The following BMPR2 variants were observed in gnomAD, a reference collection of about 807,000 sequenced individuals.
BMPR2 encodes the protein bone morphogenetic protein receptor type 2, also known as bone morphogenetic protein receptor type-2.
Under a neutral mutation model 100.8 loss-of-function variants are expected in BMPR2, and 29 were observed. The ratio of observed to expected loss-of-function variants is 0.29; its 90% CI spans 0.21 to 0.39. BMPR2 has a LOEUF of 0.39. Among genes scored for constraint, BMPR2 ranks in the 10% least tolerant of loss-of-function variants. The probability of loss-of-function intolerance (pLI) is 1.00; values close to 1 mark genes in which losing one functional copy is unlikely to be tolerated. For missense variants in BMPR2, 1,011 were observed against 1,274.5 expected (o/e 0.79, Z 3.15); for synonymous variants, 382 against 442.3 (o/e 0.86, Z 1.71).
chr2:202,456,279 C>T (rs988504271), intron 1 of BMPR2, among the ~76,000 whole-genome samples: 7 of 150,528 alleles, frequency 4.7e-5, no homozygotes, highest in Non-Finnish European at 7.4e-5. Context: ...TCAAATGATT[C>T]GCCTGCCTCA....
chr2:202,447,964 TAG>T (rs1691886923), intron 1 of BMPR2, among the ~76,000 whole-genome samples: 2 of 150,134 alleles, frequency 1.3e-5, no homozygotes, highest in Admixed American at 1.3e-4. Flanking sequence ...GTTGAAAAAA[TAG>T]AGTCATCCAA....
At chr2:202,443,433 G>A (rs1189157593) in intron 1 of BMPR2, among the ~76,000 whole-genome samples, 1 of 150,546 alleles carries the variant, frequency 6.6e-6, no homozygotes, top group Non-Finnish European at 1.5e-5. Context: ...CACCAACAGT[G>A]TACAAGGGTC....
chr2:202,405,869 G>C (rs1046265973), intron 1 of BMPR2, among the ~76,000 whole-genome samples: 5 of 151,960 alleles, frequency 3.3e-5, no homozygotes, highest in East Asian at 1.9e-4. Context: ...GTATTTTACT[G>C]TTCATCCCTA....
intron 1 of BMPR2, among the ~76,000 whole-genome samples, chr2:202,451,711 A>C (rs1691989353): frequency 6.6e-6 from 1 of 152,042 alleles, no homozygotes; most frequent in South Asian, 2.1e-4. Context: ...AAACAACAAC[A>C]AAAAACTACA....
At chr2:202,404,761 G>T (rs1390460812) in intron 1 of BMPR2, among the ~76,000 whole-genome samples, 1 of 152,136 alleles carries the variant, frequency 6.6e-6, no homozygotes, top group African/African-American at 2.4e-5. Flanking sequence ...CCAATAGGTG[G>T]TTTTTCAACC....
rs150216929 is a variant in BMPR2 at position 202,566,577 on chromosome 2, C to T, written c.*6631C>T. ...TCTGTTCTTTGGTCAAATGACCATA[C>T]ATGATATGGGACAAATTGTTTCATT... On this transcript the variant is annotated 3_prime_UTR_variant, in exon 13 of 13. Coordinates refer to ENST00000374580, the MANE Select transcript of BMPR2 (RefSeq NM_001204.7). 3.0e-4 allele frequency: 46 copies of T among 152,326 alleles called. No individual in the cohort carries two copies. The highest frequency in any genetic ancestry group is 5.9e-4 in the Non-Finnish European group (40 of 67,996). The allele number at this position is 152,326 out of a possible 1,614,324, so 9.4% of individuals were successfully genotyped here. A position where few individuals can be genotyped will look rare whatever the true frequency, so the allele number is the denominator to read the frequency against.
chr2:202,462,423 G>A (rs1053042834), intron 1 of BMPR2, among the ~76,000 whole-genome samples: 2 of 152,032 alleles, frequency 1.3e-5, no homozygotes, highest in South Asian at 2.1e-4. Flanking sequence ...GTTTCACCAT[G>A]TTGGCCCGGC....
Position 202,556,290 on chromosome 2 carries a change from A to G in BMPR2, c.2625A>G (p.Gln875=), listed in dbSNP as rs1232286628. 6.2e-7 allele frequency: 1 copy of G among 1,614,124 alleles called. No individual in the cohort carries two copies. The highest frequency in any genetic ancestry group is 8.5e-7 in the Non-Finnish European group (1 of 1,180,048). Residue 875 remains glutamine, a synonymous_variant, in exon 12 of 13, where the codon CAA becomes CAG. Transcript: ENST00000374580. ...ATGAGCCTTTACTGAGACGAGAGCA[A>G]CAAGCTGGCCATGATGAAGGTGTTC... ...DEHEPLLRRE[Q]QAGHDEGVLD... is the part of the protein sequence containing the mutation.
intron 10 of BMPR2, among the ~76,000 whole-genome samples, chr2:202,547,535 C>A (rs770533907): frequency 1.3e-5 from 2 of 152,104 alleles, no homozygotes; most frequent in African/African-American, 4.8e-5. Context: ...GTAATCCCAG[C>A]ACTTTGGGAG....
intron 6 of BMPR2, 93 bp from the exon 7 acceptor site, chr2:202,519,994 T>C (rs1195855888): frequency 1.0e-5 from 8 of 780,596 alleles, no homozygotes; most frequent in African/African-American, 1.7e-5. Context: ...CCTAGCCTAT[T>C]TGCAAATTCT....
At chr2:202,500,144 G>T (rs908282962) in intron 3 of BMPR2, among the ~76,000 whole-genome samples, 3 of 152,272 alleles carry the variant, frequency 2.0e-5, no homozygotes, top group East Asian at 1.9e-4. Flanking sequence ...TGAGCCCCGG[G>T]TATGTTTAAC....
intron 9 of BMPR2, among the ~76,000 whole-genome samples, chr2:202,534,797 T>C (rs1688098905): frequency 6.6e-6 from 1 of 151,184 alleles, no homozygotes. Flanking sequence ...GACGGGGTGG[T>C]GGCCGGGCAG....
intron 10 of BMPR2, among the ~76,000 whole-genome samples, chr2:202,549,119 A>G (rs1688427321): frequency 1.3e-5 from 2 of 152,164 alleles, no homozygotes; most frequent in Non-Finnish European, 1.5e-5. Flanking sequence ...CTAGAATTTT[A>G]TATAAATGGA....
intron 10 of BMPR2, among the ~76,000 whole-genome samples, chr2:202,545,679 T>C (rs1186371002): frequency 1.3e-5 from 2 of 152,186 alleles, no homozygotes; most frequent in Non-Finnish European, 2.9e-5. Context: ...ACTGTCTTCA[T>C]TGGTTATCTT....
chr2:202,444,727 G>A (rs985111959), intron 1 of BMPR2, among the ~76,000 whole-genome samples: 1 of 150,698 alleles, frequency 6.6e-6, no homozygotes, highest in South Asian at 2.1e-4. Flanking sequence ...TGGAAGTAGT[G>A]TATCTTACAT....
intron 1 of BMPR2, among the ~76,000 whole-genome samples, chr2:202,407,254 T>C (rs1283201166): frequency 6.6e-6 from 1 of 152,084 alleles, no homozygotes; most frequent in Admixed American, 6.6e-5. Flanking sequence ...AATTTTTGTA[T>C]TTTTATTAGA....
chr2:202,430,178 C>G (rs1691475824), intron 1 of BMPR2, among the ~76,000 whole-genome samples: 2 of 152,052 alleles, frequency 1.3e-5, no homozygotes, highest in South Asian at 4.2e-4. Context: ...GGACCCCATC[C>G]TTATCATCTC....
intron 10 of BMPR2, among the ~76,000 whole-genome samples, chr2:202,546,785 G>T (rs576339723): frequency 1.2e-4 from 19 of 152,146 alleles, no homozygotes; most frequent in South Asian, 6.2e-4. Flanking sequence ...TGTGTTTTTC[G>T]TAGAGATGGG....
chr2:202,388,030 A>G (rs192489085), intron 1 of BMPR2, among the ~76,000 whole-genome samples: 8 of 152,290 alleles, frequency 5.3e-5, no homozygotes, highest in Non-Finnish European at 8.8e-5. Context: ...ATGAAACGTT[A>G]TCAAGAATGC....
Sources: gnomAD v4.1 joint callset for allele counts (sites outside exome capture counted in the v4.1 genomes callset) on GRCh38, gnomAD v4.1.1 for gene constraint, MANE v1.5 for transcripts, NCBI Gene and HGNC (gene_info 2026-07-23, HGNC 2026-07-21) for gene names.